Variants in KCNQ3 observed in about 807,000 individuals in gnomAD.
KCNQ3 encodes the protein potassium voltage-gated channel subfamily Q member 3, also known as potassium voltage-gated channel subfamily KQT member 3.
KCNQ3 carries 30 observed loss-of-function variants against 92.5 expected under a neutral mutation model. The observed-to-expected ratio is 0.32, with a 90% CI of 0.24 to 0.44. The LOEUF (loss-of-function observed/expected upper bound fraction) is 0.44. Among genes scored for constraint, KCNQ3 ranks in the 20% least tolerant of loss-of-function variants. KCNQ3 has a pLI of 1.00. For synonymous variants in KCNQ3, 450 were observed against 468.8 expected, an observed-to-expected ratio of 0.96 and a Z score of 0.52; for missense variants, 913 against 1,140.3, an observed-to-expected ratio of 0.80 and a Z score of 2.87.
chr8:132,374,999 T>C (rs1465172071), intron 1 of KCNQ3, among the ~76,000 whole-genome samples: 2 of 152,238 alleles, frequency 1.3e-5, no homozygotes, highest in Non-Finnish European at 2.9e-5. Flanking sequence ...CATGTGTACA[T>C]GTCTTTGTGG....
At chr8:132,420,147 T>C (rs560386043) in intron 1 of KCNQ3, among the ~76,000 whole-genome samples, 3 of 152,174 alleles carry the variant, frequency 2.0e-5, no homozygotes, top group Admixed American at 6.5e-5. Context: ...ACATGGGAGA[T>C]GGGAGAGGGC....
chr8:132,480,248 G>A lies in KCNQ3; in HGVS notation c.285C>T (p.Arg95=). The change falls in exon 1 of 15, where the codon CGC becomes CGT. Residue 95 remains arginine, a synonymous_variant. Transcript: ENST00000388996. ...IGLLAKTPLS[R]PVKRNNAKYR... Reference sequence around the variant, plus strand: ...ACTTGGCGTTGTTTCTCTTGACTGGGCGGCTCAGCGGGGTCTTGGCCAGGA... The same window carrying A: ...ACTTGGCGTTGTTTCTCTTGACTGGACGGCTCAGCGGGGTCTTGGCCAGGA... The A allele has an allele frequency of 6.2e-7, 1 of 1,612,988 alleles. No homozygotes were observed. The highest frequency in any genetic ancestry group is 8.5e-7 in the Non-Finnish European group (1 of 1,179,428).
At chr8:132,341,969 C>T (rs1273019367) in intron 1 of KCNQ3, among the ~76,000 whole-genome samples, 1 of 152,188 alleles carries the variant, frequency 6.6e-6, no homozygotes, top group African/African-American at 2.4e-5. Context: ...CTCCTCTTTT[C>T]AGACTTGGAA....
At chr8:132,421,391 CTCA>C (rs1820962457) in intron 1 of KCNQ3, among the ~76,000 whole-genome samples, 1 of 152,160 alleles carries the variant, frequency 6.6e-6, no homozygotes, top group Non-Finnish European at 1.5e-5. Context: ...GAAAGGCTCC[CTCA>C]TAACTACCAG....
Position 132,175,515 on chromosome 8 carries a change from C to T in KCNQ3, c.871G>A (p.Ala291Thr). The T allele has an allele frequency of 6.2e-7, 1 of 1,614,202 alleles. No individual in the cohort carries two copies. The highest frequency in any genetic ancestry group is 8.5e-7 in the Non-Finnish European group (1 of 1,180,008). Residue 291 changes from alanine to threonine, a missense_variant, in exon 5 of 15, where the codon GCA becomes ACA. By Grantham distance (58) the Ala-to-Thr change is moderately conservative. This residue lies in a region of KCNQ3 where 21 missense variants were observed against 16.3 expected (regional missense o/e 1.29). Coordinates refer to ENST00000388996, the MANE Select transcript of KCNQ3 (RefSeq NM_004519.4). ...LVEKDVPEVD[A>T]QGEEMKEEFE... ...TCCTCTTTCATCTCCTCTCCTTGTG[C>T]ATCCACCTCTGGGACGTCTTTCTCA...
At chr8:132,323,016 A>T (rs1817937175) in intron 1 of KCNQ3, among the ~76,000 whole-genome samples, 1 of 152,128 alleles carries the variant, frequency 6.6e-6, no homozygotes. Flanking sequence ...GCAAGATACC[A>T]AGTACTCCCA....
chr8:132,324,442 G>A (rs1359410856), intron 1 of KCNQ3, among the ~76,000 whole-genome samples: 4 of 152,126 alleles, frequency 2.6e-5, no homozygotes, highest in Admixed American at 2.0e-4. Context: ...ATAAACAAAT[G>A]GGCGAATGCA....
At position 132,435,607 on chromosome 8, in the gene KCNQ3, G is replaced by A. The variant is rs536016139; in HGVS notation, c.386+44540C>T. On this transcript the variant is annotated intron_variant, in intron 1 of 14. Transcript: ENST00000388996. ...AGTAATTAGCCCAAAATCAAACTGCGTTCAAACCTAGACCGAGTAGTGAAC... is the reference window on the plus strand; with the variant it reads ...AGTAATTAGCCCAAAATCAAACTGCATTCAAACCTAGACCGAGTAGTGAAC... Among the ~76,000 whole-genome samples, 188 of 152,298 alleles carry A rather than the reference G, an allele frequency of 1.2e-3. 2 individuals carry two copies. Among genetic ancestry groups the A allele is most frequent in the African/African-American group, 3.7e-3 (153 of 41,552 alleles).
rs1819770285 is a variant in KCNQ3 at position 132,382,229 on chromosome 8, A to T, written c.386+97918T>A. 2.6e-5 allele frequency among the ~76,000 whole-genome samples: 4 copies of T among 152,186 alleles called. No homozygotes were observed. In the South Asian group the frequency reaches 8.3e-4, roughly 32 times the overall value. ...GTTGAAATGTGATCCCCGGTGTTGG[A>T]AGTGGGGTCTGGTAGAAAGTATTTG... On this transcript the variant is annotated intron_variant, in intron 1 of 14. Coordinates refer to ENST00000388996, the MANE Select transcript of KCNQ3 (RefSeq NM_004519.4).
chr8:132,418,886 G>A (rs1486846181), intron 1 of KCNQ3, among the ~76,000 whole-genome samples: 1 of 152,238 alleles, frequency 6.6e-6, no homozygotes, highest in African/African-American at 2.4e-5. Context: ...AAAAGCAGCA[G>A]GCAGCATTGT....
intron 12 of KCNQ3, 122 bp from the exon 13 acceptor site, chr8:132,134,510 G>A (rs1825006239): frequency 5.4e-6 from 4 of 735,038 alleles, no homozygotes; most frequent in Non-Finnish European, 9.5e-6. Context: ...GAGAGGAGAG[G>A]AGAGGAGAAG....
At chr8:132,159,007 A>G (rs1035962261) in intron 9 of KCNQ3, among the ~76,000 whole-genome samples, 7 of 152,164 alleles carry the variant, frequency 4.6e-5, no homozygotes, top group African/African-American at 1.7e-4. Context: ...AGAGTGAACC[A>G]CTGGGCTCAG....
At chr8:132,343,396 C>G (rs182457181) in intron 1 of KCNQ3, among the ~76,000 whole-genome samples, 68 of 152,230 alleles carry the variant, frequency 4.5e-4, no homozygotes, top group Admixed American at 9.8e-4. Flanking sequence ...AAACCAGTGC[C>G]CAGGCCTAAT....
chr8:132,252,463 G>T (rs867663500), intron 1 of KCNQ3, among the ~76,000 whole-genome samples: 51 of 152,246 alleles, frequency 3.3e-4, no homozygotes, highest in Middle Eastern at 3.4e-3. Flanking sequence ...GCAGACCCTC[G>T]CAGTGAGTGT....
rs1463553722 is a variant in KCNQ3 at position 132,229,692 on chromosome 8, C to T, written c.387-43511G>A. 1.1e-4 allele frequency among the ~76,000 whole-genome samples: 17 copies of T among 151,856 alleles called. 1 individual carries two copies. The highest frequency in any genetic ancestry group is 1.1e-3 in the Admixed American group (17 of 15,224). The stretch of plus-strand genomic sequence containing the variant: ...GGGCAATTAAACCACAGGAGCCAAG[C>T]AGGGGACCAGAGACAAGCAGAGGGC... On this transcript the variant is annotated intron_variant, in intron 1 of 14. Coordinates refer to ENST00000388996, the MANE Select transcript of KCNQ3 (RefSeq NM_004519.4).
At chr8:132,295,437 A>C (rs1816988296) in intron 1 of KCNQ3, among the ~76,000 whole-genome samples, 1 of 152,218 alleles carries the variant, frequency 6.6e-6, no homozygotes, top group South Asian at 2.1e-4. Flanking sequence ...TGTTGGTGGG[A>C]AAGTTAATTA....
At chr8:132,278,568 G>A (rs920137612) in intron 1 of KCNQ3, among the ~76,000 whole-genome samples, 1 of 152,196 alleles carries the variant, frequency 6.6e-6, no homozygotes, top group Non-Finnish European at 1.5e-5. Context: ...AAGTCCATAA[G>A]TAGGACTCTG....
At position 132,126,891 on chromosome 8, in the gene KCNQ3, T is replaced by C. The variant is rs1824688073; in HGVS notation, c.*2371A>G. The C allele has an allele frequency of 6.6e-6, 1 of 152,224 alleles. No individual in the cohort carries two copies. Among genetic ancestry groups the C allele is most frequent in the Non-Finnish European group, 1.5e-5 (1 of 68,042 alleles). The allele number at this position is 152,224 out of a possible 1,614,324, so 9.4% of individuals were successfully genotyped here. A position where few individuals can be genotyped will look rare whatever the true frequency, so the allele number is the denominator to read the frequency against. On this transcript the variant is annotated 3_prime_UTR_variant, in exon 15 of 15. Transcript: ENST00000388996. Reference sequence around the variant, plus strand: ...TGGTAAAATACTTAAGATAGTAAGTTCTTCAAGAATACTAATAAGTAAGTT... The same window carrying C: ...TGGTAAAATACTTAAGATAGTAAGTCCTTCAAGAATACTAATAAGTAAGTT...
At chr8:132,287,416 A>G (rs2130545294) in intron 1 of KCNQ3, among the ~76,000 whole-genome samples, 1 of 152,398 alleles carries the variant, frequency 6.6e-6, no homozygotes, top group Non-Finnish European at 1.5e-5. Context: ...TTTTACTCAT[A>G]GATATGTACT....
Sources: allele counts gnomAD v4.1 joint callset (sites outside exome capture counted in the v4.1 genomes callset), GRCh38; gene constraint gnomAD v4.1.1; regional missense constraint gnomAD v4.1.1; transcripts MANE v1.5; gene names NCBI Gene and HGNC (gene_info 2026-07-23, HGNC 2026-07-21).